The following AGAP1 variants were observed in gnomAD, a reference collection of about 807,000 sequenced individuals.
AGAP1 encodes the protein ArfGAP with GTPase domain, ankyrin repeat and PH domain 1, also known as arf-GAP with GTPase, ANK repeat and PH domain-containing protein 1.
AGAP1 carries 29 observed loss-of-function variants against 105.3 expected under a neutral mutation model. The observed-to-expected ratio is 0.28, with a 90% CI of 0.21 to 0.38. The LOEUF (loss-of-function observed/expected upper bound fraction) is 0.38, where lower values mean the gene tolerates loss of function less well. Ranked by LOEUF, AGAP1 falls within the 10% of genes least tolerant of loss-of-function variation. The pLI is 1.00. For synonymous variants in AGAP1, 509 were observed against 485.9 expected (o/e 1.05, Z -0.63); for missense variants, 998 against 1,165.1 (o/e 0.86, Z 2.09).
At position 236,002,502 on chromosome 2, in the gene AGAP1, T is replaced by TA. The variant is rs2056165328; in HGVS notation, c.1645+33880dup. Among the ~76,000 whole-genome samples, 1 of 152,174 alleles carries TA rather than the reference T, an allele frequency of 6.6e-6. No homozygotes were observed. Among genetic ancestry groups the TA allele is most frequent in the Non-Finnish European group, 1.5e-5 (1 of 68,028 alleles). ...TCTGACAAAAGAGACATGAAACAAA[T>TA]ATGTTAACAAGTAATGTTGCTCCCT... On this transcript the variant is annotated intron_variant, in intron 13 of 17. Transcript: ENST00000304032. This position sits in a 1 kb window ranked among gnomAD's most constrained non-coding sequence, Gnocchi z 4.3.
intron 11 of AGAP1, among the ~76,000 whole-genome samples, chr2:235,911,645 T>C (rs1369173686): frequency 6.6e-6 from 1 of 152,246 alleles, no homozygotes; most frequent in East Asian, 1.9e-4. Flanking sequence ...GGCTGTGGCA[T>C]GGGCCTTTCT....
chr2:235,619,641 G>A (rs986392760), intron 1 of AGAP1, among the ~76,000 whole-genome samples: 3 of 152,200 alleles, frequency 2.0e-5, no homozygotes, highest in African/African-American at 7.2e-5. Flanking sequence ...TGCAGATGCA[G>A]CTCTTTTCCC....
At chr2:235,819,137 CAG>C (rs1958634785) in intron 9 of AGAP1, among the ~76,000 whole-genome samples, 4 of 145,288 alleles carry the variant, frequency 2.8e-5, no homozygotes, top group African/African-American at 1.0e-4. Flanking sequence ...TTTTTGGAGA[CAG>C]AGTCTACTCT....
chr2:235,959,477 G>A lies in AGAP1; in HGVS notation c.1484-8985G>A, dbSNP rs1033757332. On this transcript the variant is annotated intron_variant, in intron 12 of 17. Transcript: ENST00000304032. This position sits in a 1 kb window ranked among gnomAD's most constrained non-coding sequence, Gnocchi z 7.3. Reference sequence around the variant, plus strand: ...AAGCCAGGGGCATTCATATTCCCGTGGCCGAGCTCAGCGCCCAGTGGACGG... The same window carrying A: ...AAGCCAGGGGCATTCATATTCCCGTAGCCGAGCTCAGCGCCCAGTGGACGG... 8.5e-5 allele frequency among the ~76,000 whole-genome samples: 13 copies of A among 152,078 alleles called. No homozygotes were observed. The highest frequency in any genetic ancestry group is 3.1e-4 in the African/African-American group (13 of 41,414).
At chr2:235,854,245 A>T (rs2048592861) in intron 9 of AGAP1, among the ~76,000 whole-genome samples, 1 of 152,210 alleles carries the variant, frequency 6.6e-6, no homozygotes, top group Non-Finnish European at 1.5e-5. Context: ...CAGCTGAGAA[A>T]CTTAGGCCTT....
At chr2:235,876,815 C>T (rs1261946977) in intron 9 of AGAP1, among the ~76,000 whole-genome samples, 8 of 151,912 alleles carry the variant, frequency 5.3e-5, no homozygotes, top group African/African-American at 1.7e-4. Context: ...CATTCTAGAC[C>T]AGTCTTTCCC....
chr2:235,761,068 G>A (rs959221372), intron 6 of AGAP1, among the ~76,000 whole-genome samples: 3 of 152,162 alleles, frequency 2.0e-5, no homozygotes, highest in African/African-American at 7.2e-5. Context: ...ATGATAGAGT[G>A]ACACCCAAGG....
chr2:236,054,527 A>T (rs111353380), intron 16 of AGAP1, among the ~76,000 whole-genome samples: 1,661 of 151,976 alleles, frequency 0.011, 29 homozygotes, highest in African/African-American at 0.037. Flanking sequence ...GAAAAAAAAT[A>T]AAAAAAGGAC....
At chr2:236,016,814 A>G (rs2056720301) in intron 13 of AGAP1, among the ~76,000 whole-genome samples, 1 of 152,180 alleles carries the variant, frequency 6.6e-6, no homozygotes, top group East Asian at 1.9e-4. Flanking sequence ...TAGTGACTGC[A>G]TATCCAATTG....
chr2:236,023,190 T>A (rs1361625094), intron 13 of AGAP1, among the ~76,000 whole-genome samples: 1 of 152,184 alleles, frequency 6.6e-6, no homozygotes, highest in African/African-American at 2.4e-5. Context: ...CCTGGAGAAC[T>A]GTGTGAAGAG....
rs1277798479 is a variant in AGAP1, at chr2:235,993,460, A to G, written c.1645+24837A>G. On this transcript the variant is annotated intron_variant, in intron 13 of 17. Transcript: ENST00000304032. This position sits in a 1 kb window ranked among gnomAD's most constrained non-coding sequence, Gnocchi z 5.0. Reference sequence around the variant, plus strand: ...ATGTCCCTGATGGAAACTGCTTCTCAAAGTGGAAGACAGGGAGCACCTCTG... The same window carrying G: ...ATGTCCCTGATGGAAACTGCTTCTCGAAGTGGAAGACAGGGAGCACCTCTG... Among the ~76,000 whole-genome samples, 2 of 152,202 alleles carry G rather than the reference A, an allele frequency of 1.3e-5. No homozygotes were observed. The highest frequency in any genetic ancestry group is 2.9e-5 in the Non-Finnish European group (2 of 68,028).
In AGAP1 at chr2:236,083,338, G is replaced by A. The variant is rs1457955409; in HGVS notation, c.2114+34057G>A. ...TGCAAGGAAGCGTCGTCCTCCTCAC[G>A]GGCTCTTTACGTTGACATTGTGGCT... is the stretch of plus-strand genomic sequence containing the variant. On this transcript the variant is annotated intron_variant, in intron 16 of 17. Coordinates refer to ENST00000304032, the MANE Select transcript of AGAP1 (RefSeq NM_001037131.3). The surrounding 1 kb of genome is among the most constrained non-coding windows in gnomAD (Gnocchi z 5.3). 2.0e-5 allele frequency among the ~76,000 whole-genome samples: 3 copies of A among 152,154 alleles called. No homozygotes were observed. Among genetic ancestry groups the A allele is most frequent in the Non-Finnish European group, 2.9e-5 (2 of 68,000 alleles).
rs1029650253 is a variant in AGAP1, at chr2:235,889,531, C to G, written c.1155+6082C>G. Among the ~76,000 whole-genome samples the G allele has an allele frequency of 1.5e-4, 23 of 148,846 alleles. No homozygotes were observed. Among genetic ancestry groups the G allele is most frequent in the Non-Finnish European group, 3.0e-4 (20 of 67,644 alleles). ...TTCTCTTTCCTTTCTCGTCATCCCC[C>G]AAAAGTGTCTTTGCCTTTTTTTTTT... is the stretch of plus-strand genomic sequence containing the variant. On this transcript the variant is annotated intron_variant, in intron 10 of 17. Transcript: ENST00000304032. The surrounding 1 kb of genome is among the most constrained non-coding windows in gnomAD (Gnocchi z 4.6).
rs1227275323 is a variant in AGAP1, at chr2:236,114,178, G to A, written c.2115-6014G>A. ...ATCCTCCCGGGGATTGGAATGAGGG[G>A]AGGTGATCTACTGCCGGCTGCCTGC... On this transcript the variant is annotated intron_variant, in intron 16 of 17. Transcript: ENST00000304032. The surrounding 1 kb of genome is among the most constrained non-coding windows in gnomAD (Gnocchi z 5.0). Among the ~76,000 whole-genome samples, 1 of 152,110 alleles carries A rather than the reference G, an allele frequency of 6.6e-6. No homozygotes were observed. The highest frequency in any genetic ancestry group is 2.4e-5 in the African/African-American group (1 of 41,418).
Position 235,711,007 on chromosome 2 carries a change from A to G in AGAP1, c.222+1770A>G, listed in dbSNP as rs376140162. Among the ~76,000 whole-genome samples the G allele has an allele frequency of 3.9e-3, 601 of 152,336 alleles. 4 individuals are homozygous for G. The highest frequency in any genetic ancestry group is 0.014 in the African/African-American group (572 of 41,580). On this transcript the variant is annotated intron_variant, in intron 2 of 17. Coordinates refer to ENST00000304032, the MANE Select transcript of AGAP1 (RefSeq NM_001037131.3). ...AGGAAACTGAGGCTCAGAGACATGA[A>G]GAACCTGCCCAAGGAGCCACAGTGA...
chr2:235,826,537 C>T (rs1484525703), intron 9 of AGAP1, among the ~76,000 whole-genome samples: 1 of 152,106 alleles, frequency 6.6e-6, no homozygotes, highest in African/African-American at 2.4e-5. Flanking sequence ...GCAACCTCCA[C>T]CTCCCAGGTT....
chr2:235,712,269 T>C lies in AGAP1; in HGVS notation c.222+3032T>C, dbSNP rs1431556230. Among the ~76,000 whole-genome samples, 5 of 152,198 alleles carry C rather than the reference T, an allele frequency of 3.3e-5. No homozygotes were observed. Among genetic ancestry groups the C allele is most frequent in the African/African-American group, 9.6e-5 (4 of 41,466 alleles). On this transcript the variant is annotated intron_variant, in intron 2 of 17. Coordinates refer to ENST00000304032, the MANE Select transcript of AGAP1 (RefSeq NM_001037131.3). The surrounding 1 kb of genome is among the most constrained non-coding windows in gnomAD (Gnocchi z 6.0). Reference sequence around the variant, plus strand: ...TCCTGACCTCGTCATCCGCCTGCCTTGGCCTCCCAAAGTGCTGGGATGACA... The same window carrying C: ...TCCTGACCTCGTCATCCGCCTGCCTCGGCCTCCCAAAGTGCTGGGATGACA...
chr2:236,049,300 G>A lies in AGAP1; in HGVS notation c.2114+19G>A, dbSNP rs2057823550. The A allele has an allele frequency of 6.2e-7, 1 of 1,600,286 alleles. No homozygotes were observed. The highest frequency in any genetic ancestry group is 8.6e-7 in the Non-Finnish European group (1 of 1,168,786). Reference sequence around the variant, plus strand: ...CCACAAGGTAGGAACTTTGGAAGATGCCTGGCTCCCGACACGTTTGCCAAC... The same window carrying A: ...CCACAAGGTAGGAACTTTGGAAGATACCTGGCTCCCGACACGTTTGCCAAC... On this transcript the variant is annotated intron_variant, in intron 16 of 17. Coordinates refer to ENST00000304032, the MANE Select transcript of AGAP1 (RefSeq NM_001037131.3).
Position 235,931,320 on chromosome 2 carries a change from C to T in AGAP1, c.1483+397C>T, listed in dbSNP as rs930851313. ...CCCACACTCTTCCACCACTAGTGCA[C>T]ATTTTATATCATTAGGGTGAATTCA... On this transcript the variant is annotated intron_variant, in intron 12 of 17. Transcript: ENST00000304032. The surrounding 1 kb of genome is among the most constrained non-coding windows in gnomAD (Gnocchi z 5.6). Among the ~76,000 whole-genome samples, 1 of 152,162 alleles carries T rather than the reference C, an allele frequency of 6.6e-6. No individual in the cohort carries two copies. Among genetic ancestry groups the T allele is most frequent in the Admixed American group, 6.5e-5 (1 of 15,288 alleles).
Sources: gnomAD v4.1 joint callset for allele counts (sites outside exome capture counted in the v4.1 genomes callset) on GRCh38, gnomAD v4.1.1 for gene constraint, Gnocchi (gnomAD v3.1) non-coding constraint, MANE v1.5 for transcripts, NCBI Gene and HGNC (gene_info 2026-07-23, HGNC 2026-07-21) for gene names.